The following FRMD4B variants were observed in gnomAD, a reference collection of about 807,000 sequenced individuals.
The protein encoded by FRMD4B is FERM domain-containing protein 4B.
FRMD4B carries 74 observed loss-of-function variants against 141.5 expected under a neutral mutation model. That is an observed-to-expected ratio of 0.52 (90% CI 0.43 to 0.63). The LOEUF (loss-of-function observed/expected upper bound fraction) is 0.63. Among genes scored for constraint, FRMD4B ranks in the 30% least tolerant of loss-of-function variants. The pLI is 0.00. For missense variants in FRMD4B, 1,366 were observed against 1,253.4 expected, an observed-to-expected ratio of 1.09 and a Z score of -1.36; for synonymous variants, 506 against 467.9, an observed-to-expected ratio of 1.08 and a Z score of -1.05.
intron 1 of FRMD4B, among the ~76,000 whole-genome samples, chr3:69,355,388 G>T (rs1465728309): frequency 2.6e-5 from 4 of 152,116 alleles, no homozygotes; most frequent in African/African-American, 9.7e-5. Context: ...TTTGGAAGGT[G>T]GGGAATTATT....
intron 1 of FRMD4B, among the ~76,000 whole-genome samples, chr3:69,537,874 T>C (rs1055118922): frequency 6.6e-6 from 1 of 152,230 alleles, no homozygotes; most frequent in Non-Finnish European, 1.5e-5. Flanking sequence ...TTAGCCTTAA[T>C]TTCCCCCTTT....
intron 11 of FRMD4B, among the ~76,000 whole-genome samples, chr3:69,205,222 A>G (rs1310352035): frequency 1.3e-5 from 2 of 151,036 alleles, no homozygotes; most frequent in African/African-American, 4.9e-5. Flanking sequence ...GCTGGAGTAC[A>G]GTGGCATGAT....
intron 1 of FRMD4B, among the ~76,000 whole-genome samples, chr3:69,347,989 G>A (rs1312127895): frequency 1.3e-5 from 2 of 152,116 alleles, no homozygotes; most frequent in African/African-American, 2.4e-5. Context: ...GATCAGAGCA[G>A]AACTGAAGGA....
intron 22 of FRMD4B, among the ~76,000 whole-genome samples, chr3:69,175,201 T>C (rs1007189628): frequency 3.9e-5 from 6 of 152,200 alleles, no homozygotes; most frequent in African/African-American, 1.4e-4. Context: ...TATAACTTAG[T>C]ATGTAGTCTG....
chr3:69,475,000 A>T (rs1705960235), intron 1 of FRMD4B, among the ~76,000 whole-genome samples: 1 of 152,104 alleles, frequency 6.6e-6, no homozygotes, highest in Non-Finnish European at 1.5e-5. Context: ...GGAAAAAGGA[A>T]ATGTCTTGCT....
At chr3:69,359,793 C>T (rs2007584) in intron 1 of FRMD4B, among the ~76,000 whole-genome samples, 43,573 of 152,032 alleles carry the variant, frequency 0.29, 7,577 homozygotes, top group East Asian at 0.6. Flanking sequence ...TTTTAGGTGA[C>T]GCACATAAAC....
chr3:69,484,943 T>A (rs967052794), intron 1 of FRMD4B, among the ~76,000 whole-genome samples: 23 of 152,108 alleles, frequency 1.5e-4, no homozygotes, highest in Admixed American at 1.5e-3. Flanking sequence ...GTTCCCAGGC[T>A]TCAGGTCTGC....
At chr3:69,193,931 G>T in intron 16 of FRMD4B, 58 bp from the exon 17 acceptor site, 2 of 1,054,276 alleles carry the variant, frequency 1.9e-6, no homozygotes, top group Non-Finnish European at 1.4e-6. Context: ...ACTCTTACAT[G>T]CATTGTGTAA....
intron 1 of FRMD4B, among the ~76,000 whole-genome samples, chr3:69,456,593 C>T (rs1368138670): frequency 1.3e-5 from 2 of 152,142 alleles, no homozygotes; most frequent in African/African-American, 2.4e-5. Context: ...GTGTCTCCTG[C>T]AGTAAACTCC....
chr3:69,394,864 C>T (rs1024423625), intron 2 of FRMD4B, among the ~76,000 whole-genome samples: 1 of 152,138 alleles, frequency 6.6e-6, no homozygotes, highest in Non-Finnish European at 1.5e-5. Flanking sequence ...ATGTCCTTCA[C>T]AGGACATGGA....
intron 1 of FRMD4B, chr3:69,471,736 T>C (rs111349011): frequency 0.013 from 2,080 of 158,228 alleles, 60 homozygotes; most frequent in African/African-American, 0.047. Context: ...CTTGAGTACT[T>C]TTTAGACAAA....
chr3:69,262,294 G>T (rs753986255), intron 5 of FRMD4B, among the ~76,000 whole-genome samples: 1 of 151,872 alleles, frequency 6.6e-6, no homozygotes, highest in Non-Finnish European at 1.5e-5. Context: ...CAATGTTTTG[G>T]CAGAGTCTAC....
intron 1 of FRMD4B, among the ~76,000 whole-genome samples, chr3:69,465,740 T>C (rs1328216166): frequency 1.3e-5 from 2 of 152,190 alleles, no homozygotes; most frequent in Non-Finnish European, 2.9e-5. Context: ...TTTATGGCTA[T>C]ATAGTGTTCC....
chr3:69,253,390 A>T (rs1334450552), intron 5 of FRMD4B, among the ~76,000 whole-genome samples: 3 of 152,080 alleles, frequency 2.0e-5, no homozygotes, highest in African/African-American at 7.2e-5. Flanking sequence ...TAAAAACTGG[A>T]AACAGGTGAG....
chr3:69,288,568 G>A (rs184886507), intron 4 of FRMD4B, among the ~76,000 whole-genome samples: 8 of 152,370 alleles, frequency 5.3e-5, no homozygotes, highest in African/African-American at 1.9e-4. Flanking sequence ...CCCGGGTGGG[G>A]AGGAGGCTGA....
intron 1 of FRMD4B, among the ~76,000 whole-genome samples, chr3:69,323,438 G>T (rs1463360047): frequency 6.6e-6 from 1 of 151,146 alleles, no homozygotes; most frequent in Non-Finnish European, 1.5e-5. Context: ...GCATGGTAGC[G>T]CATGCTGTAA....
At chr3:69,204,146 C>T (rs1026093774) in intron 11 of FRMD4B, among the ~76,000 whole-genome samples, 1 of 152,032 alleles carries the variant, frequency 6.6e-6, no homozygotes, top group African/African-American at 2.4e-5. Context: ...TCCCTCCTGC[C>T]CCAGGTACCC....
intron 1 of FRMD4B, among the ~76,000 whole-genome samples, chr3:69,447,171 C>T (rs949549719): frequency 6.6e-6 from 1 of 152,136 alleles, no homozygotes; most frequent in Non-Finnish European, 1.5e-5. Context: ...GTGGTAGTGA[C>T]AGCAAATTTT....
At position 69,190,343 on chromosome 3, in the gene FRMD4B, T is replaced by A. The variant is rs1204586781; in HGVS notation, c.1715-391A>T. Among the ~76,000 whole-genome samples, 3 of 152,004 alleles carry A rather than the reference T, an allele frequency of 2.0e-5. No individual in the cohort carries two copies. In the East Asian group the frequency reaches 5.8e-4, roughly 29 times the overall value. On this transcript the variant is annotated intron_variant, in intron 17 of 22. Transcript: ENST00000398540. Reference sequence around the variant, plus strand: ...AAATGTTAAATAAAACACATTTGAATCCTCATTTGAAAATCTACTCTTAAT... The same window carrying A: ...AAATGTTAAATAAAACACATTTGAAACCTCATTTGAAAATCTACTCTTAAT...
Sources: allele counts gnomAD v4.1 joint callset (sites outside exome capture counted in the v4.1 genomes callset), GRCh38; gene constraint gnomAD v4.1.1; transcripts MANE v1.5; gene names NCBI Gene and HGNC (gene_info 2026-07-23, HGNC 2026-07-21).